The following CNTN1 variants were observed in gnomAD, a reference collection of about 807,000 sequenced individuals.
CNTN1 encodes the protein contactin 1.
Under a neutral mutation model 126.4 loss-of-function variants are expected in CNTN1, and 38 were observed. The observed-to-expected ratio is 0.30, with a 90% CI of 0.23 to 0.39. The LOEUF is 0.39. CNTN1 is among the 10% of genes least tolerant of loss of function. CNTN1 has a pLI of 1.00. For synonymous variants in CNTN1, 413 were observed against 422.6 expected, an observed-to-expected ratio of 0.98 and a Z score of 0.28; for missense variants, 1,009 against 1,248.4, an observed-to-expected ratio of 0.81 and a Z score of 2.89.
chr12:40,801,892 C>G (rs1371992362), intron 1 of CNTN1, among the ~76,000 whole-genome samples: 2 of 151,296 alleles, frequency 1.3e-5, no homozygotes, highest in Non-Finnish European at 2.9e-5. Flanking sequence ...ATTTATAAGG[C>G]TATTTCAGGA....
At chr12:40,860,738 G>A (rs962572928) in intron 1 of CNTN1, among the ~76,000 whole-genome samples, 1 of 152,096 alleles carries the variant, frequency 6.6e-6, no homozygotes, top group Non-Finnish European at 1.5e-5. Context: ...AACTCCATGT[G>A]TTCGCCAACA....
chr12:40,874,951 T>A (rs893674746), intron 1 of CNTN1, among the ~76,000 whole-genome samples: 19 of 152,160 alleles, frequency 1.2e-4, no homozygotes, highest in Non-Finnish European at 2.2e-4. Context: ...ACACATCTGG[T>A]ACATGGTGTT....
intron 1 of CNTN1, among the ~76,000 whole-genome samples, chr12:40,801,018 T>TTTTTG (rs1940630049): frequency 6.7e-6 from 1 of 149,878 alleles, no homozygotes; most frequent in African/African-American, 2.4e-5. Flanking sequence ...GAGTTTTGTT[T>TTTTTG]TTTTTTTTTT....
intron 1 of CNTN1, among the ~76,000 whole-genome samples, chr12:40,706,212 A>T (rs1444061392): frequency 6.6e-6 from 1 of 151,648 alleles, no homozygotes; most frequent in Non-Finnish European, 1.5e-5. Context: ...GGTGTGCTGC[A>T]CCCATTAACT....
intron 16 of CNTN1, among the ~76,000 whole-genome samples, chr12:40,988,697 A>C (rs1272012880): frequency 6.6e-6 from 1 of 152,184 alleles, no homozygotes; most frequent in African/African-American, 2.4e-5. Flanking sequence ...CTGGTTGCTA[A>C]ACTGAGTACT....
intron 1 of CNTN1, among the ~76,000 whole-genome samples, chr12:40,701,491 C>A (rs1222627071): frequency 7.2e-5 from 11 of 151,892 alleles, no homozygotes; most frequent in Non-Finnish European, 1.5e-5. Context: ...CTGTAACAGA[C>A]AAGATGAATA....
intron 1 of CNTN1, among the ~76,000 whole-genome samples, chr12:40,746,949 C>A (rs1473861643): frequency 1.3e-5 from 2 of 151,978 alleles, no homozygotes; most frequent in African/African-American, 4.8e-5. Context: ...CCAATTATTA[C>A]TTTAGAGAGG....
At chr12:40,850,794 A>C (rs1942689225) in intron 1 of CNTN1, among the ~76,000 whole-genome samples, 2 of 152,080 alleles carry the variant, frequency 1.3e-5, no homozygotes, top group South Asian at 4.1e-4. Context: ...GTGGATAAGG[A>C]TATTTACTCA....
rs141799171 is a variant in CNTN1, at chr12:40,964,809, G to A, written c.1804+5575G>A. 6.7e-4 allele frequency among the ~76,000 whole-genome samples: 102 copies of A among 152,184 alleles called. 2 individuals carry two copies. The highest frequency in any genetic ancestry group is 2.3e-3 in the African/African-American group (94 of 41,550). Reference sequence around the variant, plus strand: ...CCAATAAGCCTGATGGAAGCTGTCAGTATACGTTTTAGCTGGAATAATATT... The same window carrying A: ...CCAATAAGCCTGATGGAAGCTGTCAATATACGTTTTAGCTGGAATAATATT... On this transcript the variant is annotated intron_variant, in intron 15 of 23. Transcript: ENST00000551295.
chr12:40,920,351 G>C (rs1204931891), intron 4 of CNTN1, among the ~76,000 whole-genome samples: 1 of 150,928 alleles, frequency 6.6e-6, no homozygotes. Flanking sequence ...TGCTTTGCCA[G>C]TAAGTCACCA....
chr12:40,936,343 A>AGGCC (rs1227759546), intron 9 of CNTN1, among the ~76,000 whole-genome samples: 42 of 152,264 alleles, frequency 2.8e-4, no homozygotes, highest in African/African-American at 9.9e-4. Context: ...AAGTTCCATC[A>AGGCC]AAATGAAGAT....
Position 40,868,274 on chromosome 12 carries a change from A to C in CNTN1, c.-76-40083A>C, listed in dbSNP as rs567927635. On this transcript the variant is annotated intron_variant, in intron 1 of 23. Transcript: ENST00000551295. ...GCCGTTTGAATGCTAAGTTTTCTCT[A>C]TACAAAGATCATTAAGATTTTAATT... Among the ~76,000 whole-genome samples, 84 of 152,274 alleles carry C rather than the reference A, an allele frequency of 5.5e-4. 1 individual carries two copies. The highest frequency in any genetic ancestry group is 1.5e-3 in the African/African-American group (62 of 41,564).
chr12:40,740,730 G>A (rs571221580), intron 1 of CNTN1, among the ~76,000 whole-genome samples: 1 of 152,162 alleles, frequency 6.6e-6, no homozygotes, highest in South Asian at 2.1e-4. Flanking sequence ...GACCCAGTGG[G>A]AGGTAATTGA....
chr12:40,876,475 C>T (rs1466055128), intron 1 of CNTN1, among the ~76,000 whole-genome samples: 2 of 152,056 alleles, frequency 1.3e-5, no homozygotes, highest in Non-Finnish European at 2.9e-5. Flanking sequence ...ATGATATCCA[C>T]ATCCTAGAGG....
chr12:40,945,802 A>G (rs1292905576), intron 14 of CNTN1, among the ~76,000 whole-genome samples: 1 of 152,078 alleles, frequency 6.6e-6, no homozygotes, highest in East Asian at 1.9e-4. Context: ...TAAAAATGTA[A>G]AAGACCTTGT....
chr12:40,961,419 A>G (rs1467632260), intron 15 of CNTN1, among the ~76,000 whole-genome samples: 1 of 152,046 alleles, frequency 6.6e-6, no homozygotes, highest in East Asian at 1.9e-4. Context: ...ACAATTAAAC[A>G]GTTGTTTTTA....
intron 3 of CNTN1, among the ~76,000 whole-genome samples, chr12:40,914,437 G>A (rs1266763404): frequency 6.6e-6 from 1 of 152,032 alleles, no homozygotes; most frequent in Non-Finnish European, 1.5e-5. Flanking sequence ...TTCTTTCAAG[G>A]GCCCAAATAT....
chr12:40,940,296 T>A (rs1946223445), intron 12 of CNTN1, among the ~76,000 whole-genome samples: 1 of 152,032 alleles, frequency 6.6e-6, no homozygotes, highest in South Asian at 2.1e-4. Context: ...TCAGTGTGAT[T>A]TGTCTTTAGA....
chr12:40,951,986 A>G (rs535029931), intron 14 of CNTN1, among the ~76,000 whole-genome samples: 1 of 152,246 alleles, frequency 6.6e-6, no homozygotes, highest in South Asian at 2.1e-4. Context: ...CAAAAAGTTT[A>G]CAATTGTTAA....
Sources: gnomAD v4.1 joint callset for allele counts (sites outside exome capture counted in the v4.1 genomes callset) on GRCh38, gnomAD v4.1.1 for gene constraint, MANE v1.5 for transcripts, NCBI Gene and HGNC (gene_info 2026-07-23, HGNC 2026-07-21) for gene names.